Variants in KIF22 observed in about 807,000 individuals in gnomAD.
KIF22 encodes the protein kinesin family member 22.
Under a neutral mutation model 73.0 loss-of-function variants are expected in KIF22, and 62 were observed. The observed-to-expected ratio is 0.85, with a 90% CI of 0.69 to 1.05. The LOEUF is 1.05. KIF22 is among the 50% of genes least tolerant of loss of function. KIF22 has a pLI of 0.00. For missense variants in KIF22, 854 were observed against 870.1 expected (o/e 0.98, Z 0.23); for synonymous variants, 411 against 340.1 (o/e 1.21, Z -2.29).
chr16:29,798,491 C>T lies in KIF22; in HGVS notation c.384C>T (p.Pro128=), dbSNP rs144520063. Residue 128 remains proline (P), a synonymous_variant, in exon 3 of 14, where the codon CCC becomes CCT. Coordinates refer to ENST00000160827, the MANE Select transcript of KIF22 (RefSeq NM_007317.3). This position sits in a 1 kb window ranked among gnomAD's most constrained non-coding sequence, Gnocchi z 4.1. Reference sequence around the variant, plus strand: ...ATGCCAGTGTGCTTGCCTATGGACCCACAGGAGCTGGTGAGGGAGCCAGAA... The same window carrying T: ...ATGCCAGTGTGCTTGCCTATGGACCTACAGGAGCTGGTGAGGGAGCCAGAA... ...GQNASVLAYG[P]TGAGKTHTML... 1.2e-6 allele frequency: 2 copies of T among 1,614,162 alleles called. No homozygotes were observed. Among genetic ancestry groups the T allele is most frequent in the Non-Finnish European group, 1.7e-6 (2 of 1,180,038 alleles).
chr16:29,799,483 C>T lies in KIF22; in HGVS notation c.979C>T (p.Arg327Cys), dbSNP rs1179563611. The T allele has an allele frequency of 2.5e-6, 4 of 1,614,000 alleles. No homozygotes were observed. Among genetic ancestry groups the T allele is most frequent in the Admixed American group, 1.7e-5 (1 of 59,994 alleles). ...ACCTTATCGGGACAGCAAGCTCACT[C>T]GCCTATTGCAGGTCAGGCCCACCTG... ...RVPYRDSKLT[R>C]LLQDSLGGSA... The change falls in exon 6 of 14, where the codon CGC (arginine) becomes TGC (cysteine). Residue 327 changes from arginine to cysteine, a missense_variant. Arg to Cys is a radical substitution (Grantham distance 180). Around this residue, in one of 3 missense-constraint regions of KIF22, gnomAD observed 245 missense variants for 351.8 expected, o/e 0.70. Coordinates refer to ENST00000160827, the MANE Select transcript of KIF22 (RefSeq NM_007317.3).
intron 1 of KIF22, among the ~76,000 whole-genome samples, chr16:29,794,008 G>C (rs976454596): frequency 6.6e-6 from 1 of 152,206 alleles, no homozygotes; most frequent in Non-Finnish European, 1.5e-5. Flanking sequence ...GCAAGTTGCA[G>C]GGATGGAGGA....
rs754587489 is a variant in KIF22, at chr16:29,799,029, C to CG, written c.609dup (p.Asn204GlufsTer14). 6.2e-7 allele frequency: 1 copy of CG among 1,614,154 alleles called. No individual in the cohort carries two copies. On this transcript the variant is annotated frameshift_variant, in exon 5 of 14. Transcript: ENST00000160827. LOFTEE classifies it high-confidence loss of function. ...AGACCTGGTAATCCGAGAAGACTGC[C>CG]GGGGGAATATCCTGATTCCGGGTCT... is the stretch of plus-strand genomic sequence containing the variant.
intron 11 of KIF22, 114 bp from the exon 12 acceptor site, chr16:29,804,698 CAA>C (rs939252073): frequency 6.8e-5 from 56 of 821,260 alleles, no homozygotes; most frequent in East Asian, 5.3e-4. Context: ...ACACACTTGA[CAA>C]GAGAGGAAGA....
At chr16:29,803,859 AAAAG>A (rs1193069864) in intron 10 of KIF22, 135 bp from the exon 11 acceptor site, 3 of 723,780 alleles carry the variant, frequency 4.1e-6, no homozygotes, top group Admixed American at 4.7e-5. Flanking sequence ...GCGGGTATAA[AAAAG>A]GTCATGTGGA....
intron 1 of KIF22, among the ~76,000 whole-genome samples, chr16:29,792,861 A>C (rs1283574968): frequency 6.6e-6 from 1 of 152,172 alleles, no homozygotes; most frequent in African/African-American, 2.4e-5. Flanking sequence ...AAGGAAACAG[A>C]GGGAATGACT....
intron 1 of KIF22, chr16:29,791,441 A>C (rs1297694015): frequency 6.0e-6 from 1 of 166,774 alleles, no homozygotes; most frequent in Admixed American, 6.5e-5. Context: ...AAAGGCTGTT[A>C]GGACACCCAA....
rs1252250975 is a variant in KIF22 at position 29,797,660 on chromosome 16, T to G, written c.266+572T>G. ...CTGCTTTCTGACTACAGTGGCAGAG[T>G]TGAGTAGTTGTAAAAGGAACACATG... On this transcript the variant is annotated intron_variant, in intron 2 of 13. Transcript: ENST00000160827. This position sits in a 1 kb window ranked among gnomAD's most constrained non-coding sequence, Gnocchi z 4.1. Among the ~76,000 whole-genome samples the G allele has an allele frequency of 6.6e-6, 1 of 152,110 alleles. No homozygotes were observed. Among genetic ancestry groups the G allele is most frequent in the East Asian group, 1.9e-4 (1 of 5,202 alleles).
intron 12 of KIF22, 28 bp downstream of exon 12, chr16:29,805,054 CG>C (rs763510158): frequency 3.0e-6 from 2 of 674,514 alleles, no homozygotes; most frequent in Non-Finnish European, 5.2e-6. Flanking sequence ...TGGGGGAGGG[CG>C]GGGGCGGGGG....
rs552303501 is a variant in KIF22, at chr16:29,796,877, ATCT to A, written c.71-12_71-10del. 9.6e-3 allele frequency: 15,412 copies of A among 1,613,436 alleles called. 97 individuals are homozygous for A. The highest frequency in any genetic ancestry group is 0.011 in the Non-Finnish European group (13,472 of 1,179,656). ...CCACCATACTTCATGTCTAAAAGTG[ATCT>A]TCTCTCCTCCAGGAGCTGGTCGCTG... On this transcript the variant is annotated splice_polypyrimidine_tract_variant and intron_variant, in intron 1 of 13. Coordinates refer to ENST00000160827, the MANE Select transcript of KIF22 (RefSeq NM_007317.3).
At position 29,791,891 on chromosome 16, in the gene KIF22, AT is replaced by A. The variant is rs1358519037; in HGVS notation, c.70+1063del. Among the ~76,000 whole-genome samples the A allele has an allele frequency of 2.6e-5, 4 of 152,316 alleles. No individual in the cohort carries two copies. The East Asian group carries it at 7.7e-4, about 29-fold the overall frequency. ...TTCGAAGATGCACTGTGTCCGGTGC[AT>A]GGTAGATATGAAAATGCCTGAATGA... is the stretch of plus-strand genomic sequence containing the variant. On this transcript the variant is annotated intron_variant, in intron 1 of 13. Transcript: ENST00000160827.
chr16:29,792,031 G>C (rs1249286809), intron 1 of KIF22, among the ~76,000 whole-genome samples: 1 of 152,224 alleles, frequency 6.6e-6, no homozygotes. Flanking sequence ...GGAATCTGAA[G>C]TAAGCCCTTG....
At position 29,799,226 on chromosome 16, in the gene KIF22, G is replaced by A. The variant is rs377092746; in HGVS notation, c.760-38G>A. 1,336 of 1,610,766 alleles carry A rather than the reference G, an allele frequency of 8.3e-4. 1 individual carries two copies. Among genetic ancestry groups the A allele is most frequent in the Non-Finnish European group, 1.1e-3 (1,293 of 1,178,174 alleles). On this transcript the variant is annotated intron_variant, in intron 5 of 13. Coordinates refer to ENST00000160827, the MANE Select transcript of KIF22 (RefSeq NM_007317.3). Reference sequence around the variant, plus strand: ...GGGCGAGGACCTGGGAAGCCCAGGAGCCTGAGCTAAGCACGAGACCTTTGT... The same window carrying A: ...GGGCGAGGACCTGGGAAGCCCAGGAACCTGAGCTAAGCACGAGACCTTTGT...
chr16:29,798,295 C>T lies in KIF22; in HGVS notation c.267-79C>T. ...TGAGAGTAGAATCCCTTACCCACCCCCACCCCACTCCACCCCTTACACACA... is the reference window on the plus strand; with the variant it reads ...TGAGAGTAGAATCCCTTACCCACCCTCACCCCACTCCACCCCTTACACACA... On this transcript the variant is annotated intron_variant, in intron 2 of 13. Coordinates refer to ENST00000160827, the MANE Select transcript of KIF22 (RefSeq NM_007317.3). The surrounding 1 kb of genome is among the most constrained non-coding windows in gnomAD (Gnocchi z 4.1). 1.5e-6 allele frequency: 2 copies of T among 1,360,660 alleles called. No individual in the cohort carries two copies. Among genetic ancestry groups the T allele is most frequent in the South Asian group, 2.4e-5 (2 of 81,960 alleles). 84.3% of individuals were successfully genotyped at this position (1,360,660 alleles called of 1,614,324 possible).
chr16:29,804,165 A>G (rs963341674), intron 11 of KIF22, 100 bp downstream of exon 11: 13 of 921,950 alleles, frequency 1.4e-5, no homozygotes, highest in East Asian at 2.4e-5. Context: ...AACGAACTGG[A>G]TGATGGCCGC....
Position 29,798,943 on chromosome 16 carries a change from A to C in KIF22, c.550-32A>C, listed in dbSNP as rs1899029152. 1 of 1,602,496 alleles carries C rather than the reference A, an allele frequency of 6.2e-7. No individual in the cohort carries two copies. The highest frequency in any genetic ancestry group is 8.5e-7 in the Non-Finnish European group (1 of 1,169,636). On this transcript the variant is annotated intron_variant, in intron 4 of 13. Coordinates refer to ENST00000160827, the MANE Select transcript of KIF22 (RefSeq NM_007317.3). This position sits in a 1 kb window ranked among gnomAD's most constrained non-coding sequence, Gnocchi z 4.1. ...CCAGGAAGAAACAGCCTCTCTATGG[A>C]GAATTGCCCTTCCCCTTCACTGCTT...
Position 29,804,044 on chromosome 16 carries a change from G to C in KIF22, c.1656G>C (p.Lys552Asn). Reference sequence around the variant, plus strand: ...CAAATGCCGAGATCCACATCCTGAAGAATAAAGGCCGGAAGAGAAAGGTGA... The same window carrying C: ...CAAATGCCGAGATCCACATCCTGAACAATAAAGGCCGGAAGAGAAAGGTGA... The part of the protein sequence containing the change: ...ASPNAEIHIL[K>N]NKGRKRKLES... Residue 552 changes from lysine (K) to asparagine (N), a missense_variant, in exon 11 of 14, where the codon AAG becomes AAC. Lys to Asn is a moderately conservative substitution (Grantham distance 94). Coordinates refer to ENST00000160827, the MANE Select transcript of KIF22 (RefSeq NM_007317.3). The C allele has an allele frequency of 4.3e-6, 7 of 1,614,016 alleles. No individual in the cohort carries two copies. Among genetic ancestry groups the C allele is most frequent in the Non-Finnish European group, 5.1e-6 (6 of 1,179,906 alleles).
rs1480199380 is a variant in KIF22 at position 29,798,341 on chromosome 16, C to G, written c.267-33C>G. ...ACACACACACACACACACACACACA[C>G]ACACACGCTAATTTCTTTCTTTCTT... On this transcript the variant is annotated intron_variant, in intron 2 of 13. Transcript: ENST00000160827. This position sits in a 1 kb window ranked among gnomAD's most constrained non-coding sequence, Gnocchi z 4.1. 3 of 1,577,152 alleles carry G rather than the reference C, an allele frequency of 1.9e-6. No individual in the cohort carries two copies. Among genetic ancestry groups the G allele is most frequent in the Non-Finnish European group, 2.6e-6 (3 of 1,162,434 alleles).
Position 29,805,006 on chromosome 16 carries a change from C to T in KIF22, c.1870C>T (p.Leu624Phe), listed in dbSNP as rs372344655. Residue 624 changes from leucine (L) to phenylalanine (F), a missense_variant, in exon 12 of 14, where the codon CTC becomes TTC. Leu to Phe is a conservative substitution (Grantham distance 22). Around this residue, in one of 3 missense-constraint regions of KIF22, gnomAD observed 423 missense variants for 365.4 expected, o/e 1.16. Coordinates refer to ENST00000160827, the MANE Select transcript of KIF22 (RefSeq NM_007317.3). ...CCAGCTAATCGTGGGCTGGCGGGAG[C>T]TCCACGGCCCCTTCAGCCAGGTAGC... ...KAQLIVGWRELHGPFSQVEDL... is the reference protein window; with the variant it reads ...KAQLIVGWREFHGPFSQVEDL... The T allele has an allele frequency of 6.2e-6, 10 of 1,609,946 alleles. No homozygotes were observed. The South Asian group carries it at 9.9e-5, about 16-fold the overall frequency.
Sources: allele counts gnomAD v4.1 joint callset (sites outside exome capture counted in the v4.1 genomes callset), GRCh38; gene constraint gnomAD v4.1.1; regional missense constraint gnomAD v4.1.1; non-coding constraint Gnocchi (gnomAD v3.1); transcripts MANE v1.5; gene names NCBI Gene and HGNC (gene_info 2026-07-23, HGNC 2026-07-21).